EXT1: variants seen among roughly 807,000 people sequenced by gnomAD.
The protein encoded by EXT1 is exostosin-1.
Under a neutral mutation model 82.5 loss-of-function variants are expected in EXT1, and 20 were observed. That is an observed-to-expected ratio of 0.24 (90% CI 0.17 to 0.35). The LOEUF (loss-of-function observed/expected upper bound fraction) is 0.35, where lower values mean the gene tolerates loss of function less well. Ranked by LOEUF, EXT1 falls within the 10% of genes least tolerant of loss-of-function variation. The pLI, the probability that EXT1 is intolerant of heterozygous loss-of-function variation, is 1.00. For synonymous variants in EXT1, 348 were observed against 350.8 expected (o/e 0.99, Z 0.09); for missense variants, 757 against 936.5 (o/e 0.81, Z 2.50).
chr8:117,945,018 C>G (rs189775630), intron 1 of EXT1, among the ~76,000 whole-genome samples: 1 of 152,068 alleles, frequency 6.6e-6, no homozygotes, highest in Non-Finnish European at 1.5e-5. Context: ...AAAAATTAGC[C>G]GGGCGCGGTG....
At chr8:118,106,238 A>G (rs539264953) in intron 1 of EXT1, among the ~76,000 whole-genome samples, 46 of 152,342 alleles carry the variant, frequency 3.0e-4, no homozygotes, top group African/African-American at 1.1e-3. Context: ...ATTCTAAGAG[A>G]AATCCCATAA....
intron 7 of EXT1, among the ~76,000 whole-genome samples, chr8:117,815,867 T>C (rs933587821): frequency 1.3e-5 from 2 of 151,242 alleles, no homozygotes; most frequent in Non-Finnish European, 2.9e-5. Context: ...GAGGCGGAGA[T>C]TGCAGTGAGC....
Position 117,818,679 on chromosome 8 carries a change from G to C in EXT1, c.1537-149C>G, listed in dbSNP as rs17430063. ...GCAGACATCAAAACTGAGTTTTAAAGTGAGTCCATTCCCACACAACCTCAG... is the reference window on the plus strand; with the variant it reads ...GCAGACATCAAAACTGAGTTTTAAACTGAGTCCATTCCCACACAACCTCAG... On this transcript the variant is annotated intron_variant, in intron 6 of 10. Transcript: ENST00000378204. 11,572 of 675,348 alleles carry C rather than the reference G, an allele frequency of 0.017. 154 individuals carry two copies. The highest frequency in any genetic ancestry group is 0.023 in the Non-Finnish European group (8,648 of 371,198). The allele number at this position is 675,348 out of a possible 1,614,324, so 41.8% of individuals were successfully genotyped here. A position where few individuals can be genotyped will look rare whatever the true frequency, so the allele number is the denominator to read the frequency against.
At chr8:117,904,502 G>A (rs1218412085) in intron 1 of EXT1, among the ~76,000 whole-genome samples, 1 of 152,136 alleles carries the variant, frequency 6.6e-6, no homozygotes, top group Non-Finnish European at 1.5e-5. Flanking sequence ...TATTTGTGAA[G>A]ATTGAAATGG....
At chr8:117,854,449 CACACACACACACAT>C (rs972482554) in intron 1 of EXT1, among the ~76,000 whole-genome samples, 2 of 151,472 alleles carry the variant, frequency 1.3e-5, no homozygotes, top group Non-Finnish European at 2.9e-5. Context: ...GGGGAGAAAA[CACACACACACACAT>C]ACACACACAC....
At chr8:117,984,929 C>G (rs10955846) in intron 1 of EXT1, among the ~76,000 whole-genome samples, 114,180 of 152,022 alleles carry the variant, frequency 0.75, 44,299 homozygotes, top group African/African-American at 0.94. Context: ...GGCTACCAGA[C>G]TTGTAACACA....
At position 117,893,809 on chromosome 8, in the gene EXT1, G is replaced by A. The variant is rs17452952; in HGVS notation, c.963-56608C>T. Among the ~76,000 whole-genome samples the A allele has an allele frequency of 2.8e-3, 432 of 152,256 alleles. 2 individuals are homozygous for A. Among genetic ancestry groups the A allele is most frequent in the Non-Finnish European group, 5.1e-3 (350 of 68,006 alleles). On this transcript the variant is annotated intron_variant, in intron 1 of 10. Coordinates refer to ENST00000378204, the MANE Select transcript of EXT1 (RefSeq NM_000127.3). ...GGTTCCTCTAAGTCCTCAAGGTCTC[G>A]ATCTTACAAGTCCATCCTTGCCAGA...
Position 117,822,544 on chromosome 8 carries a change from G to A in EXT1, c.1338C>T (p.Asn446=), listed in dbSNP as rs745637397. The A allele has an allele frequency of 8.6e-5, 138 of 1,613,292 alleles. No individual in the cohort carries two copies. Among genetic ancestry groups the A allele is most frequent in the Non-Finnish European group, 1.1e-4 (134 of 1,179,664 alleles). Residue 446 remains asparagine (N), a synonymous_variant, in exon 5 of 11, where the codon AAC becomes AAT. Transcript: ENST00000378204. The part of the protein sequence containing the change: ...KHISRNSLIW[N]KHPGGLFVLP... Reference sequence around the variant, plus strand: ...GTACGAACAATCCTCCAGGATGTTTGTTCCATATTAAACTGTTACGTGATA... The same window carrying A: ...GTACGAACAATCCTCCAGGATGTTTATTCCATATTAAACTGTTACGTGATA...
intron 1 of EXT1, among the ~76,000 whole-genome samples, chr8:117,948,276 C>G (rs1814425769): frequency 8.1e-6 from 1 of 123,588 alleles, no homozygotes; most frequent in Non-Finnish European, 1.5e-5. Context: ...CTGGCATGCA[C>G]AGCGAGGTGA....
chr8:118,081,731 C>T (rs981914530), intron 1 of EXT1, among the ~76,000 whole-genome samples: 20 of 152,118 alleles, frequency 1.3e-4, no homozygotes, highest in African/African-American at 2.9e-4. Context: ...TTGATGCTGG[C>T]GTGCTTTTAA....
rs202157593 is a variant in EXT1, at chr8:117,818,749, CAAAT to C, written c.1537-223_1537-220del. 4.4e-3 allele frequency among the ~76,000 whole-genome samples: 666 copies of C among 152,060 alleles called. 8 individuals carry two copies. Among genetic ancestry groups the C allele is most frequent in the African/African-American group, 0.015 (604 of 41,454 alleles). ...CTGGAGAGAGGACAGAAAGAGCAAACAAATAAACAAACAAACAAACAAACAAAAC... is the reference window on the plus strand; with the variant it reads ...CTGGAGAGAGGACAGAAAGAGCAAACAAACAAACAAACAAACAAACAAAAC... On this transcript the variant is annotated intron_variant, in intron 6 of 10. Transcript: ENST00000378204.
Position 117,795,217 on chromosome 8 carries a change from C to T in EXT1, c.*4495G>A, listed in dbSNP as rs1385169989. ...CTAGTTGCTGGGCCATGTTAAGTTC[C>T]AATTCTGGGTAGCTCACTGAGGTTC... On this transcript the variant is annotated 3_prime_UTR_variant, in exon 11 of 11. Coordinates refer to ENST00000378204, the MANE Select transcript of EXT1 (RefSeq NM_000127.3). 2 of 152,164 alleles carry T rather than the reference C, an allele frequency of 1.3e-5. No individual in the cohort carries two copies. The highest frequency in any genetic ancestry group is 2.9e-5 in the Non-Finnish European group (2 of 68,040). 9.4% of individuals were successfully genotyped at this position (152,164 alleles called of 1,614,324 possible). A position where few individuals can be genotyped will look rare whatever the true frequency, so the allele number is the denominator to read the frequency against.
chr8:117,890,501 T>C (rs139236633), intron 1 of EXT1, among the ~76,000 whole-genome samples: 2 of 152,170 alleles, frequency 1.3e-5, no homozygotes, highest in African/African-American at 4.8e-5. Flanking sequence ...TGGTCTTACA[T>C]TGGCTTGAAG....
At chr8:118,053,528 C>A (rs568806318) in intron 1 of EXT1, among the ~76,000 whole-genome samples, 1 of 152,272 alleles carries the variant, frequency 6.6e-6, no homozygotes, top group African/African-American at 2.4e-5. Flanking sequence ...AATTTTTTAA[C>A]GGGTCTTTTC....
intron 2 of EXT1, among the ~76,000 whole-genome samples, chr8:117,836,041 T>C (rs926811901): frequency 4.6e-5 from 7 of 152,188 alleles, no homozygotes; most frequent in Non-Finnish European, 8.8e-5. Context: ...TTAACCAGTA[T>C]AGAGTGTTCA....
At chr8:117,950,375 C>A (rs187701664) in intron 1 of EXT1, among the ~76,000 whole-genome samples, 4 of 152,354 alleles carry the variant, frequency 2.6e-5, no homozygotes, top group Non-Finnish European at 4.4e-5. Context: ...TGATTCTCAG[C>A]TGGCTGGTTG....
At chr8:118,053,295 C>A (rs1816747060) in intron 1 of EXT1, among the ~76,000 whole-genome samples, 1 of 152,020 alleles carries the variant, frequency 6.6e-6, no homozygotes, top group South Asian at 2.1e-4. Flanking sequence ...GGGAGATGAC[C>A]CTTCGGCCAA....
At chr8:117,899,273 A>G (rs1264533676) in intron 1 of EXT1, among the ~76,000 whole-genome samples, 1 of 152,170 alleles carries the variant, frequency 6.6e-6, no homozygotes, top group Non-Finnish European at 1.5e-5. Context: ...TTAAAAATAC[A>G]GTTTTACAAC....
intron 1 of EXT1, among the ~76,000 whole-genome samples, chr8:117,966,739 C>A (rs1372342864): frequency 1.3e-5 from 2 of 152,170 alleles, no homozygotes; most frequent in Non-Finnish European, 2.9e-5. Flanking sequence ...AAAAATAATT[C>A]TTTAAGACTG....
Sources: allele counts gnomAD v4.1 joint callset (sites outside exome capture counted in the v4.1 genomes callset), GRCh38; gene constraint gnomAD v4.1.1; transcripts MANE v1.5; gene names NCBI Gene and HGNC (gene_info 2026-07-23, HGNC 2026-07-21).